IMMP2L: variants seen among roughly 807,000 people sequenced by gnomAD.
IMMP2L encodes inner mitochondrial membrane peptidase subunit 2.
In IMMP2L, 18 loss-of-function variants were observed where a neutral mutation model predicts 19.3. That is an observed-to-expected ratio of 0.93 (90% confidence interval 0.64 to 1.38). The LOEUF (loss-of-function observed/expected upper bound fraction) is 1.38, where lower values mean the gene tolerates loss of function less well. Ranked by LOEUF, IMMP2L falls within the 40% of genes most tolerant of loss-of-function variation. IMMP2L has a pLI of 0.00. For missense variants in IMMP2L, 233 were observed against 218.2 expected, an observed-to-expected ratio of 1.07 and a Z score of -0.43; for synonymous variants, 76 against 73.0, an observed-to-expected ratio of 1.04 and a Z score of -0.21.
intron 5 of IMMP2L, among the ~76,000 whole-genome samples, chr7:110,834,488 T>G (rs530870387): frequency 2.0e-5 from 3 of 152,212 alleles, no homozygotes; most frequent in Non-Finnish European, 4.4e-5. Context: ...TCAAGGAGAC[T>G]GGTACCAGAA....
intron 3 of IMMP2L, among the ~76,000 whole-genome samples, chr7:111,197,087 G>A (rs375878660): frequency 6.6e-6 from 1 of 151,940 alleles, no homozygotes; most frequent in African/African-American, 2.4e-5. Context: ...TTACAAAATC[G>A]GAGGCCCAGA....
At chr7:110,990,406 A>T (rs1488729284) in intron 3 of IMMP2L, among the ~76,000 whole-genome samples, 1 of 152,186 alleles carries the variant, frequency 6.6e-6, no homozygotes, top group Admixed American at 6.5e-5. Context: ...ACATTTTTAT[A>T]CCAACATTTA....
chr7:111,413,624 C>T (rs1351013622), intron 3 of IMMP2L, among the ~76,000 whole-genome samples: 2 of 151,218 alleles, frequency 1.3e-5, no homozygotes, highest in East Asian at 3.9e-4. Flanking sequence ...TCAATAGTTA[C>T]AGAAAAGCAT....
chr7:111,235,215 T>G (rs1814153617), intron 3 of IMMP2L, among the ~76,000 whole-genome samples: 1 of 152,136 alleles, frequency 6.6e-6, no homozygotes, highest in Admixed American at 6.5e-5. Context: ...CTCACGCCTG[T>G]AATACCAGCA....
At chr7:110,882,287 G>GCCTGCCTGCCTGCCTTCCTT (rs1387853201) in intron 5 of IMMP2L, among the ~76,000 whole-genome samples, 1 of 122,068 alleles carries the variant, frequency 8.2e-6, no homozygotes, top group African/African-American at 3.3e-5. Context: ...TTTGTCAAGT[G>GCCTGCCTGCCTGCCTTCCTT]CCTTCCTTCC....
intron 5 of IMMP2L, among the ~76,000 whole-genome samples, chr7:110,730,292 G>T (rs1332960060): frequency 2.0e-5 from 3 of 152,108 alleles, no homozygotes; most frequent in Admixed American, 2.0e-4. Context: ...AATAAAGCAG[G>T]CAGAAGACAA....
chr7:111,287,124 G>A lies in IMMP2L; in HGVS notation c.239+200114C>T, dbSNP rs559899033. Among the ~76,000 whole-genome samples the A allele has an allele frequency of 2.0e-5, 3 of 152,174 alleles. No individual in the cohort carries two copies. The South Asian group carries it at 6.2e-4, about 32-fold the overall frequency. ...AAACCATTCTTACAGCCAATAATTAGATATCAGAAACAATGTTCTTTAAAG... is the reference window on the plus strand; with the variant it reads ...AAACCATTCTTACAGCCAATAATTAAATATCAGAAACAATGTTCTTTAAAG... On this transcript the variant is annotated intron_variant, in intron 3 of 5. Transcript: ENST00000405709.
intron 5 of IMMP2L, among the ~76,000 whole-genome samples, chr7:110,797,617 C>A (rs1046831455): frequency 2.6e-5 from 4 of 151,974 alleles, no homozygotes; most frequent in Non-Finnish European, 4.4e-5. Flanking sequence ...TAAGTGTGAG[C>A]ACACTGGGTA....
At chr7:110,950,923 T>G (rs1563105787) in intron 4 of IMMP2L, among the ~76,000 whole-genome samples, 1 of 148,404 alleles carries the variant, frequency 6.7e-6, no homozygotes, top group South Asian at 2.1e-4. Flanking sequence ...TATATATATA[T>G]GAACTTCAAA....
intron 3 of IMMP2L, among the ~76,000 whole-genome samples, chr7:111,364,007 C>CA (rs1491240203): frequency 6.6e-6 from 1 of 151,736 alleles, no homozygotes; most frequent in Non-Finnish European, 1.5e-5. Context: ...GATCCCCCCC[C>CA]ACACACACAC....
chr7:111,554,983 T>C (rs1401284982), intron 1 of IMMP2L, among the ~76,000 whole-genome samples: 1 of 152,084 alleles, frequency 6.6e-6, no homozygotes, highest in Non-Finnish European at 1.5e-5. Flanking sequence ...AATCAGGCCT[T>C]GGCGATGACC....
At chr7:111,103,974 T>A (rs2129580828) in intron 3 of IMMP2L, among the ~76,000 whole-genome samples, 1 of 151,592 alleles carries the variant, frequency 6.6e-6, no homozygotes, top group Non-Finnish European at 1.5e-5. Flanking sequence ...ATTCAAGAAA[T>A]TTTAGGGTTA....
intron 3 of IMMP2L, among the ~76,000 whole-genome samples, chr7:110,988,528 C>T (rs1257923193): frequency 5.9e-5 from 9 of 151,978 alleles, no homozygotes; most frequent in Admixed American, 1.3e-4. Context: ...AGGAAAGCAC[C>T]GACTCTAGTA....
chr7:111,535,541 T>A (rs985190460), intron 1 of IMMP2L, among the ~76,000 whole-genome samples: 36 of 151,744 alleles, frequency 2.4e-4, no homozygotes, highest in Admixed American at 2.2e-3. Flanking sequence ...AACAAGGGAG[T>A]GAATTAAACA....
chr7:110,957,474 C>T (rs1818469998), intron 4 of IMMP2L, among the ~76,000 whole-genome samples: 1 of 151,844 alleles, frequency 6.6e-6, no homozygotes, highest in Non-Finnish European at 1.5e-5. Context: ...GATTATCCCC[C>T]TTTAGTCTAT....
intron 3 of IMMP2L, among the ~76,000 whole-genome samples, chr7:111,041,164 T>C (rs1479185861): frequency 6.6e-6 from 1 of 152,112 alleles, no homozygotes; most frequent in Non-Finnish European, 1.5e-5. Flanking sequence ...ATTATTGTTT[T>C]CCTGGGGCTC....
intron 4 of IMMP2L, among the ~76,000 whole-genome samples, chr7:110,957,813 A>C (rs1818513857): frequency 6.6e-6 from 1 of 151,946 alleles, no homozygotes; most frequent in Admixed American, 6.6e-5. Context: ...TTGTTACAGA[A>C]GTTTTCAGTG....
intron 3 of IMMP2L, among the ~76,000 whole-genome samples, chr7:111,180,382 G>C (rs1807569268): frequency 6.6e-6 from 1 of 151,954 alleles, no homozygotes; most frequent in East Asian, 1.9e-4. Flanking sequence ...GAGAGGAAAA[G>C]AGATCCGGAA....
rs537488725 is a variant in IMMP2L at position 111,490,668 on chromosome 7, C to T, written c.136-3327G>A. 1.2e-4 allele frequency among the ~76,000 whole-genome samples: 18 copies of T among 152,186 alleles called. 1 individual carries two copies. In the East Asian group the frequency reaches 2.5e-3, roughly 21 times the overall value. On this transcript the variant is annotated intron_variant, in intron 2 of 5. Coordinates refer to ENST00000405709, the MANE Select transcript of IMMP2L (RefSeq NM_032549.4). ...CTCCAACTTAGAAATGATTCCATTT[C>T]TTTCTAGTTATATGATCTTCAGCAA...
Sources: allele counts gnomAD v4.1 joint callset (sites outside exome capture counted in the v4.1 genomes callset), GRCh38; gene constraint gnomAD v4.1.1; transcripts MANE v1.5; gene names NCBI Gene and HGNC (gene_info 2026-07-23, HGNC 2026-07-21).